AFF2: variants seen among roughly 807,000 people sequenced by gnomAD.
AFF2 encodes the protein ALF transcription elongation factor 2.
AFF2 carries 14 observed loss-of-function variants against 76.9 expected under a neutral mutation model. The ratio of observed to expected loss-of-function variants is 0.18; its 90% confidence interval spans 0.12 to 0.28. The LOEUF (loss-of-function observed/expected upper bound fraction) is 0.28. Among genes scored for constraint, AFF2 ranks in the 10% least tolerant of loss-of-function variants. The pLI, the probability that AFF2 is intolerant of heterozygous loss-of-function variation, is 1.00. For missense variants in AFF2, 868 were observed against 1,001.1 expected (o/e 0.87, Z 1.79); for synonymous variants, 398 against 366.7 (o/e 1.09, Z -0.98).
At chrX:148,966,694 C>A in intron 13 of AFF2, 96 bp from the exon 14 acceptor site, 1 of 1,028,832 alleles carries the variant, frequency 9.7e-7, no homozygotes, top group Non-Finnish European at 1.2e-6. Context: ...TTTTTTTTTG[C>A]CTTCTTTCGT....
At chrX:148,723,902 T>C (rs1242862698) in intron 3 of AFF2, among the ~76,000 whole-genome samples, 1 of 108,474 alleles carries the variant, frequency 9.2e-6, no homozygotes, top group East Asian at 2.8e-4. Flanking sequence ...ACCTTTTTTT[T>C]TCTTTTTTTC....
At chrX:148,883,073 C>A (rs987455202) in intron 7 of AFF2, among the ~76,000 whole-genome samples, 1 of 111,364 alleles carries the variant, frequency 9.0e-6, no homozygotes, top group Non-Finnish European at 1.9e-5. Context: ...ATTTCATCTC[C>A]ATGTTAAAAA....
intron 3 of AFF2, among the ~76,000 whole-genome samples, chrX:148,696,892 A>G (rs1441580712): frequency 1.8e-5 from 2 of 112,097 alleles, no homozygotes; most frequent in Admixed American, 9.5e-5. Flanking sequence ...TTTTGGGTAG[A>G]CTGCCACTTC....
chrX:148,981,019 A>G (rs1306623002), intron 19 of AFF2, among the ~76,000 whole-genome samples: 1 of 112,232 alleles, frequency 8.9e-6, no homozygotes, highest in African/African-American at 3.2e-5. Context: ...AGCCATAAAA[A>G]TATCTGCTAA....
At chrX:148,897,221 C>CTATATATATATATA (rs1171086215) in intron 8 of AFF2, among the ~76,000 whole-genome samples, 1 of 23,452 alleles carries the variant, frequency 4.3e-5, no homozygotes, top group African/African-American at 1.6e-4. Flanking sequence ...CCTTAGTCCA[C>CTATATATATATATA]TATATATATA....
At chrX:148,974,693 G>C (rs1378330283) in intron 16 of AFF2, among the ~76,000 whole-genome samples, 1 of 112,187 alleles carries the variant, frequency 8.9e-6, no homozygotes, top group Non-Finnish European at 1.9e-5. Flanking sequence ...AAAGTAGGGT[G>C]ATTATAAGGG....
chrX:148,557,693 C>T (rs5936399), intron 1 of AFF2, among the ~76,000 whole-genome samples: 30,148 of 111,517 alleles, frequency 0.27, 3,052 homozygotes, highest in Non-Finnish European at 0.3. Flanking sequence ...ATTCAAACTA[C>T]AACAACCTGT....
intron 8 of AFF2, among the ~76,000 whole-genome samples, chrX:148,901,815 A>C (rs1018103974): frequency 3.6e-5 from 4 of 112,090 alleles, no homozygotes; most frequent in African/African-American, 1.3e-4. Flanking sequence ...GCTTTTTCTC[A>C]TATGGCAAGG....
At chrX:148,607,769 A>C (rs1490710208) in intron 1 of AFF2, among the ~76,000 whole-genome samples, 1 of 111,896 alleles carries the variant, frequency 8.9e-6, no homozygotes, top group Non-Finnish European at 1.9e-5. Flanking sequence ...TTTAATTATA[A>C]GGAAAAAAAT....
intron 3 of AFF2, among the ~76,000 whole-genome samples, chrX:148,704,362 A>G (rs782411693): frequency 7.2e-5 from 1 of 13,816 alleles, no homozygotes; most frequent in African/African-American, 2.6e-4. Flanking sequence ...TTATATATAT[A>G]TGTGTGTATA....
chrX:148,599,987 A>T (rs2053611230), intron 1 of AFF2, among the ~76,000 whole-genome samples: 2 of 112,187 alleles, frequency 1.8e-5, no homozygotes, highest in African/African-American at 3.2e-5. Flanking sequence ...ATAAAACATA[A>T]CACTTTCTTC....
At chrX:148,904,339 C>A in intron 9 of AFF2, 81 bp downstream of exon 9, 3 of 615,894 alleles carry the variant, frequency 4.9e-6, no homozygotes, top group East Asian at 3.5e-5. Flanking sequence ...ATAAAAGAGA[C>A]CTTGGATTTT....
chrX:148,588,390 C>T (rs1557246162), intron 1 of AFF2, among the ~76,000 whole-genome samples: 1 of 112,464 alleles, frequency 8.9e-6, no homozygotes, highest in Non-Finnish European at 1.9e-5. Context: ...CTCATCAGGC[C>T]TCTACTTTGT....
At chrX:148,942,436 A>G (rs1315554306) in intron 9 of AFF2, among the ~76,000 whole-genome samples, 3 of 111,746 alleles carry the variant, frequency 2.7e-5, no homozygotes, top group Admixed American at 9.5e-5. Context: ...AGATCTCATG[A>G]TACAACATAT....
At chrX:148,845,580 A>G (rs933999224) in intron 7 of AFF2, among the ~76,000 whole-genome samples, 3 of 112,715 alleles carry the variant, frequency 2.7e-5, no homozygotes, top group Admixed American at 9.4e-5. Context: ...TGGGTTTAAC[A>G]TAGGACAGAT....
At chrX:148,586,267 C>T (rs956443455) in intron 1 of AFF2, among the ~76,000 whole-genome samples, 1 of 111,547 alleles carries the variant, frequency 9.0e-6, no homozygotes, top group Non-Finnish European at 1.9e-5. Flanking sequence ...TACCTCACTT[C>T]CAGAAGATGT....
At chrX:148,652,467 C>T (rs909242907) in intron 2 of AFF2, among the ~76,000 whole-genome samples, 8 of 111,852 alleles carry the variant, frequency 7.2e-5, no homozygotes, top group African/African-American at 2.6e-4. Context: ...CTCCTGAAGA[C>T]TTCATCAGAA....
In AFF2 at chrX:148,973,600, C is replaced by A; in HGVS notation, c.3397C>A (p.Leu1133Ile). The A allele has an allele frequency of 8.3e-7, 1 of 1,208,386 alleles. No individual in the cohort carries two copies. The highest frequency in any genetic ancestry group is 1.1e-6 in the Non-Finnish European group (1 of 893,021). ...CACCATGTACTCTGAGACTGTGGAG[C>A]TCCTCAGGTGAATAGCCTTTCTGCA... The part of the protein sequence containing the change: ...PYTMYSETVE[L>I]LRYAMRLKNF... Residue 1133 changes from leucine to isoleucine, a missense_variant, in exon 16 of 21, where the codon CTC becomes ATC. Coordinates refer to ENST00000370460, the MANE Select transcript of AFF2 (RefSeq NM_002025.4).
At position 148,917,600 on chromosome X, in the gene AFF2, C is replaced by G. The variant is rs781937884; in HGVS notation, c.1397+13342C>G. The stretch of plus-strand genomic sequence containing the variant: ...TCCTTCCTGCGATACTCCACTGTCA[C>G]AGGACTAAAAAGCATTCAGCAGCTT... On this transcript the variant is annotated intron_variant, in intron 9 of 20. Transcript: ENST00000370460. Among the ~76,000 whole-genome samples the G allele has an allele frequency of 8.4e-4, 94 of 111,841 alleles. 2 individuals carry two copies. Among genetic ancestry groups the G allele is most frequent in the African/African-American group, 3.0e-3 (91 of 30,762 alleles).
Sources: gnomAD v4.1 joint callset for allele counts (sites outside exome capture counted in the v4.1 genomes callset) on GRCh38, gnomAD v4.1.1 for gene constraint, MANE v1.5 for transcripts, NCBI Gene and HGNC (gene_info 2026-07-23, HGNC 2026-07-21) for gene names.